Variants in MBD5 observed in about 807,000 individuals in gnomAD.
MBD5 encodes methyl-CpG-binding domain protein 5.
MBD5 carries 13 observed loss-of-function variants against 117.3 expected under a neutral mutation model. The observed-to-expected ratio is 0.11, with a 90% confidence interval of 0.07 to 0.18. The LOEUF (loss-of-function observed/expected upper bound fraction) is 0.18. MBD5 is among the 10% of genes least tolerant of loss of function. The pLI is 1.00. For synonymous variants in MBD5, 727 were observed against 766.4 expected (o/e 0.95, Z 0.85); for missense variants, 1,879 against 2,093.8 (o/e 0.90, Z 2.00).
chr2:148,432,486 A>T (rs1445459871), intron 4 of MBD5, among the ~76,000 whole-genome samples: 1 of 151,654 alleles, frequency 6.6e-6, no homozygotes, highest in African/African-American at 2.4e-5. Flanking sequence ...TCTTTCAGGG[A>T]TTTTATAGTT....
intron 1 of MBD5, among the ~76,000 whole-genome samples, chr2:148,148,794 C>T (rs1697547360): frequency 6.6e-6 from 1 of 152,168 alleles, no homozygotes; most frequent in South Asian, 2.1e-4. Flanking sequence ...TTTAATGTCT[C>T]AGAGACAGCC....
At chr2:148,119,559 T>C (rs1029506779) in intron 1 of MBD5, among the ~76,000 whole-genome samples, 8 of 152,186 alleles carry the variant, frequency 5.3e-5, no homozygotes, top group African/African-American at 1.9e-4. Flanking sequence ...TTTGGTGACA[T>C]ACCTAAAGAG....
chr2:148,086,106 G>GCAT (rs1267674379), intron 1 of MBD5, among the ~76,000 whole-genome samples: 1 of 151,710 alleles, frequency 6.6e-6, no homozygotes, highest in African/African-American at 2.4e-5. Context: ...CTGGGCTATT[G>GCAT]CATCATATAT....
chr2:148,145,333 T>C (rs577475071), intron 1 of MBD5, among the ~76,000 whole-genome samples: 1 of 152,344 alleles, frequency 6.6e-6, no homozygotes, highest in South Asian at 2.1e-4. Flanking sequence ...GCTTATCAGC[T>C]TAAGGAGATT....
chr2:148,215,463 C>T (rs1427227369), intron 2 of MBD5, among the ~76,000 whole-genome samples: 2 of 152,128 alleles, frequency 1.3e-5, no homozygotes, highest in African/African-American at 4.8e-5. Context: ...TATCCACAGA[C>T]TCCTTGTGGG....
Position 148,484,036 on chromosome 2 carries a change from A to C in MBD5, c.3445A>C (p.Ile1149Leu). Reference protein sequence around the residue: ...VVSMAETLLNISNNAGNTPGP... With the variant: ...VVSMAETLLNLSNNAGNTPGP... ...GTCAATGGCAGAAACATTGCTGAAT[A>C]TATCTAATAATGCTGGGAATACACC... The change falls in exon 9 of 14, where the codon ATA becomes CTA. Residue 1149 changes from isoleucine to leucine, a missense_variant. Physicochemically the swap from Ile to Leu is conservative, Grantham distance 5. Coordinates refer to ENST00000642680, the MANE Select transcript of MBD5 (RefSeq NM_001378120.1). 6.4e-7 allele frequency: 1 copy of C among 1,550,468 alleles called. No homozygotes were observed. Among genetic ancestry groups the C allele is most frequent in the Non-Finnish European group, 8.7e-7 (1 of 1,146,904 alleles).
chr2:148,180,848 A>T (rs1011496066), intron 2 of MBD5, among the ~76,000 whole-genome samples: 1 of 152,212 alleles, frequency 6.6e-6, no homozygotes, highest in East Asian at 1.9e-4. Flanking sequence ...CTTGACCCAT[A>T]GGAAATCATT....
At chr2:148,323,895 T>C (rs1334983840) in intron 3 of MBD5, among the ~76,000 whole-genome samples, 1 of 152,212 alleles carries the variant, frequency 6.6e-6, no homozygotes, top group Non-Finnish European at 1.5e-5. Flanking sequence ...GCTTTTGGTG[T>C]TTTAGACAGG....
intron 1 of MBD5, among the ~76,000 whole-genome samples, chr2:148,152,501 T>C (rs1182089204): frequency 6.6e-6 from 1 of 151,844 alleles, no homozygotes; most frequent in Non-Finnish European, 1.5e-5. Flanking sequence ...CCTTGTTGAC[T>C]TTCTGTCTCG....
chr2:148,090,925 A>G (rs1558921583), intron 1 of MBD5, among the ~76,000 whole-genome samples: 1 of 152,186 alleles, frequency 6.6e-6, no homozygotes, highest in Non-Finnish European at 1.5e-5. Context: ...ATATACCTAG[A>G]AAACTCTAAA....
chr2:148,052,818 A>T (rs972686707), intron 1 of MBD5, among the ~76,000 whole-genome samples: 3 of 152,064 alleles, frequency 2.0e-5, no homozygotes, highest in Admixed American at 1.3e-4. Context: ...TATGCCATAA[A>T]CATGTGACTT....
intron 4 of MBD5, among the ~76,000 whole-genome samples, chr2:148,436,454 C>G (rs527494008): frequency 5.5e-4 from 83 of 152,256 alleles, no homozygotes; most frequent in African/African-American, 1.9e-3. Flanking sequence ...TTCACTGCAA[C>G]CTCCGCCTCC....
intron 3 of MBD5, among the ~76,000 whole-genome samples, chr2:148,286,817 G>A (rs752470033): frequency 3.9e-5 from 6 of 152,026 alleles, no homozygotes; most frequent in Non-Finnish European, 7.4e-5. Context: ...GAAGATTTAC[G>A]GTAAATAGTA....
chr2:148,340,710 C>T (rs1261629178), intron 3 of MBD5, among the ~76,000 whole-genome samples: 1 of 151,766 alleles, frequency 6.6e-6, no homozygotes, highest in Non-Finnish European at 1.5e-5. Context: ...TAATATATAC[C>T]TCATAGGATT....
At chr2:148,332,821 CT>C (rs1479263727) in intron 3 of MBD5, among the ~76,000 whole-genome samples, 1 of 152,044 alleles carries the variant, frequency 6.6e-6, no homozygotes, top group Admixed American at 6.6e-5. Context: ...GAAAATTCAT[CT>C]TCTTTAGTGC....
chr2:148,474,758 C>T (rs1389041104), intron 8 of MBD5, among the ~76,000 whole-genome samples: 1 of 151,970 alleles, frequency 6.6e-6, no homozygotes, highest in Non-Finnish European at 1.5e-5. Flanking sequence ...AGTTTTCTTT[C>T]AGCACAAAAT....
At chr2:148,341,541 T>A (rs2105142643) in intron 3 of MBD5, among the ~76,000 whole-genome samples, 1 of 152,212 alleles carries the variant, frequency 6.6e-6, no homozygotes, top group East Asian at 1.9e-4. Flanking sequence ...TATTTTATAC[T>A]ACATTTAGTT....
chr2:148,410,490 C>T (rs535556509), intron 4 of MBD5, among the ~76,000 whole-genome samples: 3 of 152,252 alleles, frequency 2.0e-5, no homozygotes, highest in African/African-American at 7.2e-5. Flanking sequence ...AGTGCAGTGG[C>T]GTGATGTCAG....
At chr2:148,353,684 G>A (rs1446119382) in intron 4 of MBD5, among the ~76,000 whole-genome samples, 1 of 151,908 alleles carries the variant, frequency 6.6e-6, no homozygotes, top group East Asian at 1.9e-4. Context: ...AAGCTCAAGT[G>A]ATCCTCCCAC....
Sources: allele counts gnomAD v4.1 joint callset (sites outside exome capture counted in the v4.1 genomes callset), GRCh38; gene constraint gnomAD v4.1.1; transcripts MANE v1.5; gene names NCBI Gene and HGNC (gene_info 2026-07-23, HGNC 2026-07-21).